PASK: variants seen among roughly 807,000 people sequenced by gnomAD.
PASK encodes PAS domain containing serine/threonine kinase, also known as PAS domain-containing serine/threonine-protein kinase.
A neutral mutation model predicts 121.0 loss-of-function variants in PASK; 110 were observed. The observed-to-expected ratio is 0.91, with a 90% CI of 0.78 to 1.06. PASK has a LOEUF of 1.06. PASK is among the 50% of genes least tolerant of loss of function. PASK has a pLI of 0.00. For missense variants in PASK, 1,643 were observed against 1,702.3 expected, an observed-to-expected ratio of 0.97 and a Z score of 0.61; for synonymous variants, 686 against 717.8, an observed-to-expected ratio of 0.96 and a Z score of 0.71.
chr2:241,126,127 A>G (rs2065847132), intron 10 of PASK, 69 bp downstream of exon 10: 3 of 1,389,556 alleles, frequency 2.2e-6, no homozygotes, highest in Admixed American at 3.4e-5. Context: ...AGAACAAGGA[A>G]GGCCCTGCAC....
intron 12 of PASK, among the ~76,000 whole-genome samples, chr2:241,115,787 C>A (rs111963564): frequency 0.012 from 1,352 of 112,262 alleles, 30 homozygotes; most frequent in African/African-American, 0.023. Flanking sequence ...TACGCCAGGG[C>A]CACCCGGTCC....
rs144120874 is a variant in PASK, at chr2:241,138,065, C to T, written c.764G>A (p.Ser255Asn). 223 of 1,614,222 alleles carry T rather than the reference C, an allele frequency of 1.4e-4. 1 individual carries two copies. The African/African-American group carries it at 2.6e-3, about 19-fold the overall frequency. ...GTACCCGTGAAGATGAGCAAAGAGA[C>T]TGTCACATGACGTGACGGTGCCCTG... ...QSDGTVTSCD[S>N]LFAHLHGYVS... Residue 255 changes from serine (S) to asparagine (N), a missense_variant, in exon 6 of 18, where the codon AGT becomes AAT. Coordinates refer to ENST00000234040, the MANE Select transcript of PASK (RefSeq NM_015148.4).
intron 14 of PASK, chr2:241,114,405 C>T: frequency 3.0e-6 from 3 of 986,624 alleles, no homozygotes; most frequent in Non-Finnish European, 3.6e-6. Flanking sequence ...TTCTCCAGTT[C>T]TTCTGGGGGA....
chr2:241,133,955 C>T (rs1418042357), intron 8 of PASK: 1 of 148,848 alleles, frequency 6.7e-6, no homozygotes, highest in Non-Finnish European at 1.5e-5. Flanking sequence ...GCACTCCAGC[C>T]TCAGCAACAA....
chr2:241,129,073 G>A (rs1015504948), intron 9 of PASK, among the ~76,000 whole-genome samples: 8 of 151,644 alleles, frequency 5.3e-5, no homozygotes, highest in South Asian at 2.1e-4. Flanking sequence ...TCCCTCTCCC[G>A]CTCTCCATCC....
intron 5 of PASK, 23 bp from the exon 6 acceptor site, chr2:241,138,110 A>G (rs2066528794): frequency 6.2e-7 from 1 of 1,613,028 alleles, no homozygotes; most frequent in African/African-American, 1.3e-5. Flanking sequence ...CCCCGTGCTT[A>G]TCATAAAAGC....
Position 241,115,298 on chromosome 2 carries a change from T to G in PASK, c.3188A>C (p.Asn1063Thr). 1 of 1,614,042 alleles carries G rather than the reference T, an allele frequency of 6.2e-7. No homozygotes were observed. Among genetic ancestry groups the G allele is most frequent in the Non-Finnish European group, 8.5e-7 (1 of 1,179,944 alleles). ...IAILSRVEHANIIKVLDIFEN... is the reference protein window; with the variant it reads ...IAILSRVEHATIIKVLDIFEN... ...AGAGGAAACCATCACCTTGATGATA[T>G]TGGCGTGCTCCACCCTGGATAGAAT... Residue 1063 changes from asparagine (N) to threonine (T), a missense_variant, in exon 13 of 18, where the codon AAT becomes ACT. Coordinates refer to ENST00000234040, the MANE Select transcript of PASK (RefSeq NM_015148.4).
At position 241,126,502 on chromosome 2, in the gene PASK, C is replaced by T. The variant is rs769215194; in HGVS notation, c.2413G>A (p.Val805Ile). 2 of 1,614,266 alleles carry T rather than the reference C, an allele frequency of 1.2e-6. No individual in the cohort carries two copies. Among genetic ancestry groups the T allele is most frequent in the South Asian group, 1.1e-5 (1 of 91,086 alleles). Reference protein sequence around the residue: ...RELLLLTGTCVDLGQGRRFRE... With the variant: ...RELLLLTGTCIDLGQGRRFRE... Reference sequence around the variant, plus strand: ...AACCGTCGGCCTTGGCCAAGGTCAACACAGGTGCCGGTCAGTAGTAACAGC... The same window carrying T: ...AACCGTCGGCCTTGGCCAAGGTCAATACAGGTGCCGGTCAGTAGTAACAGC... Residue 805 changes from valine to isoleucine, a missense_variant, in exon 10 of 18, where the codon GTT becomes ATT. Val to Ile is a conservative substitution (Grantham distance 29, BLOSUM62 3). Coordinates refer to ENST00000234040, the MANE Select transcript of PASK (RefSeq NM_015148.4).
chr2:241,129,018 CCG>C (rs1439892623), intron 9 of PASK, among the ~76,000 whole-genome samples: 1 of 118,198 alleles, frequency 8.5e-6, no homozygotes, highest in African/African-American at 3.1e-5. Context: ...TCCATGTCTC[CCG>C]CCTCTCTCCC....
At chr2:241,149,761 G>T (rs1394955783), upstream of PASK, 16 of 1,539,664 alleles carry the variant, frequency 1.0e-5, no homozygotes, top group Non-Finnish European at 1.3e-5. Context: ...GGCGGAGGAC[G>T]CGGGGCGGCT....
rs10933530 is a variant in PASK at position 241,137,933 on chromosome 2, C to T, written c.876+20G>A. ...AAGAACTCCACCCCATCACACAGTG[C>T]GGGAGGTCAGGAGCCCTACCTTTGG... On this transcript the variant is annotated intron_variant, in intron 6 of 17. Transcript: ENST00000234040. 0.088 allele frequency: 141,387 copies of T among 1,612,154 alleles called. 8,025 individuals carry two copies. Among genetic ancestry groups the T allele is most frequent in the African/African-American group, 0.26 (19,589 of 74,972 alleles).
chr2:241,131,085 C>T (rs1163504583), intron 9 of PASK, among the ~76,000 whole-genome samples: 1 of 151,976 alleles, frequency 6.6e-6, no homozygotes, highest in African/African-American at 2.4e-5. Flanking sequence ...TGGAAGACGG[C>T]CAGGGGAACT....
intron 1 of PASK, among the ~76,000 whole-genome samples, chr2:241,144,064 C>T (rs1170996493): frequency 3.9e-5 from 6 of 152,222 alleles, no homozygotes; most frequent in Non-Finnish European, 7.3e-5. Context: ...GTCCAGATTT[C>T]AAGGCATTTA....
Position 241,106,435 on chromosome 2 carries a change from A to T in PASK, c.*131T>A. 2.2e-6 allele frequency: 2 copies of T among 907,240 alleles called. No individual in the cohort carries two copies. The allele number at this position is 907,240 out of a possible 1,614,324, so 56.2% of individuals were successfully genotyped here. On this transcript the variant is annotated 3_prime_UTR_variant, in exon 18 of 18. Coordinates refer to ENST00000234040, the MANE Select transcript of PASK (RefSeq NM_015148.4). Reference sequence around the variant, plus strand: ...ATCACTGTCTTCTGTTCTGGTGTTTATCAAACCTGCACATGAGTTTTTAGA... The same window carrying T: ...ATCACTGTCTTCTGTTCTGGTGTTTTTCAAACCTGCACATGAGTTTTTAGA...
intron 1 of PASK, among the ~76,000 whole-genome samples, chr2:241,149,183 G>C (rs1264439381): frequency 6.6e-6 from 1 of 152,132 alleles, no homozygotes; most frequent in African/African-American, 2.4e-5. Flanking sequence ...CTGGGGGCGC[G>C]GGGCCCAGGG....
rs1486114211 is a variant in PASK, at chr2:241,126,213, C to T, written c.2702G>A (p.Arg901Gln). 3.7e-6 allele frequency: 6 copies of T among 1,613,942 alleles called. No individual in the cohort carries two copies. In the African/African-American group the frequency reaches 6.7e-5, roughly 18 times the overall value. The change falls in exon 10 of 18, where the codon CGA becomes CAA. Residue 901 changes from arginine to glutamine, a missense_variant. By Grantham distance (43) the Arg-to-Gln change is conservative. Transcript: ENST00000234040. ...GGACATACTCAGCCGTAAGCCATCTCGATGGTAGCAGCTCCCGGAGTAGGC... is the reference window on the plus strand; with the variant it reads ...GGACATACTCAGCCGTAAGCCATCTTGATGGTAGCAGCTCCCGGAGTAGGC... ...EGAYSGSCYH[R>Q]DGLRLSIQFE... is the part of the protein sequence containing the mutation.
chr2:241,120,668 CAAT>C (rs1368198143), intron 12 of PASK, among the ~76,000 whole-genome samples: 2 of 152,042 alleles, frequency 1.3e-5, no homozygotes, highest in African/African-American at 4.8e-5. Flanking sequence ...AATGAAAAGA[CAAT>C]AATAAGTGTT....
chr2:241,137,336 C>T (rs906909621), intron 6 of PASK, 72 bp from the exon 7 acceptor site: 76 of 1,268,170 alleles, frequency 6.0e-5, no homozygotes, highest in Non-Finnish European at 8.4e-5. Flanking sequence ...GTGCTGCGTC[C>T]GACCCGACTT....
rs191638648 is a variant in PASK at position 241,135,743 on chromosome 2, C to T, written c.1306+128G>A. The T allele has an allele frequency of 1.2e-3, 949 of 817,892 alleles. 8 individuals are homozygous for T. Among genetic ancestry groups the T allele is most frequent in the African/African-American group, 0.011 (671 of 59,150 alleles). The allele number at this position is 817,892 out of a possible 1,614,324, so 50.7% of individuals were successfully genotyped here. On this transcript the variant is annotated intron_variant, in intron 8 of 17. Transcript: ENST00000234040. ...ACCAGAAAACAGTCACCCCCTACTC[C>T]GCCCCCCACCACCCCTGAGCCTCTG... is the stretch of plus-strand genomic sequence containing the variant.
Sources: gnomAD v4.1 joint callset for allele counts (sites outside exome capture counted in the v4.1 genomes callset) on GRCh38, gnomAD v4.1.1 for gene constraint, MANE v1.5 for transcripts, NCBI Gene and HGNC (gene_info 2026-07-23, HGNC 2026-07-21) for gene names.